Variants in RPAP3 observed in about 807,000 individuals in gnomAD.
RPAP3 encodes the protein RNA polymerase II associated protein 3.
In RPAP3, 58 loss-of-function variants were observed where a neutral mutation model predicts 88.8. The observed-to-expected ratio is 0.65, with a 90% CI of 0.53 to 0.81. The LOEUF (loss-of-function observed/expected upper bound fraction) is 0.81, where lower values mean the gene tolerates loss of function less well. Ranked by LOEUF, RPAP3 falls within the 40% of genes least tolerant of loss-of-function variation. The probability of loss-of-function intolerance (pLI) is 0.00; values close to 1 mark genes in which losing one functional copy is unlikely to be tolerated. For missense variants in RPAP3, 751 were observed against 764.3 expected (o/e 0.98, Z 0.20); for synonymous variants, 255 against 259.9 (o/e 0.98, Z 0.18).
In RPAP3 at chr12:47,679,608, T is replaced by TA. The variant is rs2136621242; in HGVS notation, c.1186-15_1186-14insT. 6.4e-7 allele frequency: 1 copy of TA among 1,561,894 alleles called. No individual in the cohort carries two copies. The highest frequency in any genetic ancestry group is 8.8e-7 in the Non-Finnish European group (1 of 1,140,798). On this transcript the variant is annotated splice_polypyrimidine_tract_variant and intron_variant, in intron 11 of 16. Transcript: ENST00000005386. ...CTCAATTAATTCCTTGAAAATAAAT[T>TA]TATAACCCTAACTTTCAAAATATTT... is the stretch of plus-strand genomic sequence containing the variant.
chr12:47,675,709 T>C (rs916480131), intron 12 of RPAP3, among the ~76,000 whole-genome samples: 3 of 152,154 alleles, frequency 2.0e-5, no homozygotes, highest in East Asian at 1.9e-4. Context: ...CCTAAATATA[T>C]ATGCACCCAA....
Position 47,667,735 on chromosome 12 carries a change from T to TAA in RPAP3, c.1811+17_1811+18dup. The TAA allele has an allele frequency of 6.9e-7, 1 of 1,453,140 alleles. No individual in the cohort carries two copies. The highest frequency in any genetic ancestry group is 9.5e-7 in the Non-Finnish European group (1 of 1,050,356). The allele number at this position is 1,453,140 out of a possible 1,614,324, so 90.0% of individuals were successfully genotyped here. ...ATTAAGTGAGGACTTACTGTATAAC[T>TAA]AAAAAAAACTTGACTTACTCAATGT... On this transcript the variant is annotated intron_variant, in intron 15 of 16. Transcript: ENST00000005386.
chr12:47,679,638 T>C lies in RPAP3; in HGVS notation c.1186-44A>G, dbSNP rs376202875. 1.2e-4 allele frequency: 185 copies of C among 1,500,844 alleles called. No homozygotes were observed. In the African/African-American group the frequency reaches 2.2e-3, roughly 18 times the overall value. The allele number at this position is 1,500,844 out of a possible 1,614,324, so 93.0% of individuals were successfully genotyped here. ...ACCCTAACTTTCAAAATATTTATTA[T>C]ACAACAAATAAATATATTTATGTTT... On this transcript the variant is annotated intron_variant, in intron 11 of 16. Transcript: ENST00000005386.
intron 6 of RPAP3, among the ~76,000 whole-genome samples, 161 bp downstream of exon 6, chr12:47,690,357 T>C (rs1380463374): frequency 2.0e-5 from 3 of 152,180 alleles, no homozygotes; most frequent in Non-Finnish European, 4.4e-5. Flanking sequence ...TAATGCATTC[T>C]TTCTTAAAAA....
chr12:47,691,670 C>G (rs946437951), intron 5 of RPAP3, among the ~76,000 whole-genome samples: 1 of 152,190 alleles, frequency 6.6e-6, no homozygotes, highest in African/African-American at 2.4e-5. Flanking sequence ...AAACAACATT[C>G]ATGTCCTTGT....
intron 12 of RPAP3, among the ~76,000 whole-genome samples, chr12:47,676,218 C>A (rs945307679): frequency 1.3e-5 from 2 of 152,156 alleles, no homozygotes; most frequent in Non-Finnish European, 2.9e-5. Flanking sequence ...ACACAACGTA[C>A]CAGAATCTCT....
intron 3 of RPAP3, among the ~76,000 whole-genome samples, chr12:47,698,607 G>A (rs1040547262): frequency 2.0e-5 from 3 of 151,926 alleles, no homozygotes; most frequent in Admixed American, 6.6e-5. Flanking sequence ...TCCATCTCCC[G>A]GGCTCCAGCC....
intron 14 of RPAP3, among the ~76,000 whole-genome samples, chr12:47,668,341 C>T (rs147118435): frequency 1.6e-4 from 25 of 152,234 alleles, no homozygotes; most frequent in Non-Finnish European, 1.0e-4. Flanking sequence ...ATCTTATGAG[C>T]AGAAGAGATA....
At chr12:47,696,456 C>A in intron 4 of RPAP3, 53 bp from the exon 5 acceptor site, 2 of 1,396,080 alleles carry the variant, frequency 1.4e-6, no homozygotes, top group South Asian at 1.4e-5. Flanking sequence ...AAATTCACTA[C>A]AGTTGACCCT....
chr12:47,685,408 T>C (rs1012236377), intron 9 of RPAP3, among the ~76,000 whole-genome samples: 1 of 151,676 alleles, frequency 6.6e-6, no homozygotes, highest in African/African-American at 2.4e-5. Context: ...GATATTTCCA[T>C]ATCACATTAT....
chr12:47,684,209 C>T (rs1939280106), intron 9 of RPAP3, among the ~76,000 whole-genome samples: 1 of 152,194 alleles, frequency 6.6e-6, no homozygotes, highest in African/African-American at 2.4e-5. Context: ...ATTATTGTAA[C>T]TCAAGGATGT....
chr12:47,696,892 T>C (rs969089324), intron 4 of RPAP3, among the ~76,000 whole-genome samples: 3 of 152,252 alleles, frequency 2.0e-5, no homozygotes, highest in Non-Finnish European at 4.4e-5. Flanking sequence ...AAAAGTTATA[T>C]GCAGATTTTT....
In RPAP3 at chr12:47,663,209, C is replaced by T. The variant is rs1938794479; in HGVS notation, c.*296G>A. 1 of 199,032 alleles carries T rather than the reference C, an allele frequency of 5.0e-6. No individual in the cohort carries two copies. The highest frequency in any genetic ancestry group is 2.3e-5 in the African/African-American group (1 of 42,932). 12.3% of individuals were successfully genotyped at this position (199,032 alleles called of 1,614,324 possible). ...TCATGAAAATATAAAAATAATGTTACATTTATGGGTCACTGAAGAATGTAT... is the reference window on the plus strand; with the variant it reads ...TCATGAAAATATAAAAATAATGTTATATTTATGGGTCACTGAAGAATGTAT... On this transcript the variant is annotated 3_prime_UTR_variant, in exon 17 of 17. Transcript: ENST00000005386.
At chr12:47,696,721 A>G (rs899259307) in intron 4 of RPAP3, among the ~76,000 whole-genome samples, 1 of 152,220 alleles carries the variant, frequency 6.6e-6, no homozygotes, top group Non-Finnish European at 1.5e-5. Flanking sequence ...TCTCTTCCTT[A>G]AAATGTTCTA....
At chr12:47,672,534 C>T (rs992547132) in intron 12 of RPAP3, among the ~76,000 whole-genome samples, 3 of 152,194 alleles carry the variant, frequency 2.0e-5, no homozygotes, top group Non-Finnish European at 1.5e-5. Context: ...AACTAACTTG[C>T]TCAAGATTGC....
At chr12:47,670,032 A>T in intron 13 of RPAP3, 75 bp downstream of exon 13, 1 of 937,474 alleles carries the variant, frequency 1.1e-6, no homozygotes, top group Non-Finnish European at 1.7e-6. Flanking sequence ...ACAAATCAGA[A>T]GTCTCAGTAA....
intron 3 of RPAP3, among the ~76,000 whole-genome samples, chr12:47,698,897 T>C (rs904127287): frequency 2.0e-4 from 30 of 152,330 alleles, no homozygotes; most frequent in East Asian, 3.9e-4. Context: ...TAAAGTTATT[T>C]ACGTAGGAAA....
intron 9 of RPAP3, among the ~76,000 whole-genome samples, 184 bp from the exon 10 acceptor site, chr12:47,682,001 G>A (rs1250186508): frequency 6.6e-6 from 1 of 152,152 alleles, no homozygotes; most frequent in African/African-American, 2.4e-5. Flanking sequence ...ATCATTTGGT[G>A]AGGAGGGAGA....
At chr12:47,699,997 T>A (rs1357355349) in intron 3 of RPAP3, 2 of 149,534 alleles carry the variant, frequency 1.3e-5, no homozygotes, top group African/African-American at 4.9e-5. Flanking sequence ...TGTTCTTTTT[T>A]TTTTTTTTTT....
Sources: gnomAD v4.1 joint callset for allele counts (sites outside exome capture counted in the v4.1 genomes callset) on GRCh38, gnomAD v4.1.1 for gene constraint, MANE v1.5 for transcripts, NCBI Gene and HGNC (gene_info 2026-07-23, HGNC 2026-07-21) for gene names.